The following IFT80 variants were observed in gnomAD, a reference collection of about 807,000 sequenced individuals.
IFT80 encodes intraflagellar transport 80.
In IFT80, 79 loss-of-function variants were observed where a neutral mutation model predicts 107.9. The ratio of observed to expected loss-of-function variants is 0.73; its 90% CI spans 0.61 to 0.88. The LOEUF is 0.88. Among genes scored for constraint, IFT80 ranks in the 40% least tolerant of loss-of-function variants. The pLI, the probability that IFT80 is intolerant of heterozygous loss-of-function variation, is 0.00. For synonymous variants in IFT80, 299 were observed against 300.9 expected, an observed-to-expected ratio of 0.99 and a Z score of 0.07; for missense variants, 797 against 914.2, an observed-to-expected ratio of 0.87 and a Z score of 1.65.
intron 1 of IFT80, among the ~76,000 whole-genome samples, chr3:160,390,420 AAAAAAAAAAAG>A (rs1713289984): frequency 1.3e-5 from 2 of 151,562 alleles, no homozygotes; most frequent in African/African-American, 4.8e-5. Context: ...TCCGTCTCAA[AAAAAAAAAAAG>A]AAAAAGAAAA....
intron 1 of IFT80, among the ~76,000 whole-genome samples, chr3:160,385,097 T>A (rs936871689): frequency 6.6e-6 from 1 of 152,178 alleles, no homozygotes; most frequent in Non-Finnish European, 1.5e-5. Flanking sequence ...CAATCTGGGG[T>A]TGACATTCTG....
chr3:160,301,020 C>A lies in IFT80; in HGVS notation c.1178G>T (p.Ser393Ile). Residue 393 changes from serine (S) to isoleucine (I), a missense_variant, in exon 12 of 20, where the codon AGT becomes ATT. Coordinates refer to ENST00000326448, the MANE Select transcript of IFT80 (RefSeq NM_020800.3). ...CCCTTCATATGAATATAAATAGATA[C>A]TACTACCATCTACAAGAAGAAAATG... ...ERHFLLVDGS[S>I]IYLYSYEGRF... is the part of the protein sequence containing the mutation. The A allele has an allele frequency of 6.3e-7, 1 of 1,583,746 alleles. No individual in the cohort carries two copies. Among genetic ancestry groups the A allele is most frequent in the Non-Finnish European group, 8.6e-7 (1 of 1,158,162 alleles).
intron 8 of IFT80, chr3:160,343,828 C>A: frequency 6.6e-6 from 2 of 305,052 alleles, no homozygotes; most frequent in Non-Finnish European, 6.5e-6. Flanking sequence ...GTCAACAAAA[C>A]AGAATTTATT....
At chr3:160,280,323 C>T (rs545076516) in intron 15 of IFT80, among the ~76,000 whole-genome samples, 1 of 152,108 alleles carries the variant, frequency 6.6e-6, no homozygotes, top group Non-Finnish European at 1.5e-5. Context: ...TCTGTGACAG[C>T]GTTGGGTAGT....
chr3:160,311,954 T>C (rs955548109), intron 9 of IFT80, among the ~76,000 whole-genome samples: 2 of 152,274 alleles, frequency 1.3e-5, no homozygotes, highest in African/African-American at 4.8e-5. Context: ...CTAATTTTTT[T>C]GTATTTTTAG....
intron 5 of IFT80, among the ~76,000 whole-genome samples, chr3:160,372,928 C>T (rs1218188753): frequency 6.6e-6 from 1 of 152,228 alleles, no homozygotes; most frequent in East Asian, 1.9e-4. Context: ...TCACCATCCC[C>T]TCTCTAAAAT....
intron 4 of IFT80, 29 bp from the exon 5 acceptor site, chr3:160,375,909 A>T: frequency 7.4e-7 from 1 of 1,359,920 alleles, no homozygotes; most frequent in Non-Finnish European, 1.0e-6. Flanking sequence ...ATTAATCAGT[A>T]TTTTTACCTA....
intron 5 of IFT80, among the ~76,000 whole-genome samples, chr3:160,367,553 A>G (rs1027778016): frequency 4.6e-5 from 7 of 152,046 alleles, no homozygotes; most frequent in African/African-American, 1.7e-4. Context: ...GATTAGGGAA[A>G]ATTTTGTTAT....
chr3:160,379,912 T>C (rs1219805144), intron 3 of IFT80, among the ~76,000 whole-genome samples: 1 of 152,188 alleles, frequency 6.6e-6, no homozygotes, highest in Admixed American at 6.5e-5. Context: ...AATCTGATAC[T>C]ACTGTTTGTC....
intron 8 of IFT80, among the ~76,000 whole-genome samples, chr3:160,323,913 T>C (rs1718473892): frequency 6.6e-6 from 1 of 151,108 alleles, no homozygotes; most frequent in African/African-American, 2.4e-5. Flanking sequence ...GAGAGAAGAA[T>C]CAAATAGATA....
intron 1 of IFT80, among the ~76,000 whole-genome samples, chr3:160,386,031 C>T (rs1444471424): frequency 6.6e-6 from 1 of 152,086 alleles, no homozygotes; most frequent in Non-Finnish European, 1.5e-5. Context: ...CCTCAAACTG[C>T]CAAAATCCAT....
chr3:160,326,164 T>C (rs2108309338), intron 8 of IFT80, among the ~76,000 whole-genome samples: 1 of 152,082 alleles, frequency 6.6e-6, no homozygotes, highest in South Asian at 2.1e-4. Flanking sequence ...AGAAATAAAT[T>C]AAAATTATTT....
In IFT80 at chr3:160,381,516, G is replaced by A; in HGVS notation, c.246C>T (p.Leu82=). ...KKQTQAESFV[L]TSSDGKFHLI... Reference sequence around the variant, plus strand: ...TTTAAAACTTACCATCAGAACTTGTGAGGACAAAGCTTTCTGCCTGGGTTT... The same window carrying A: ...TTTAAAACTTACCATCAGAACTTGTAAGGACAAAGCTTTCTGCCTGGGTTT... The change falls in exon 3 of 20, where the codon CTC becomes CTT. Residue 82 remains leucine, a synonymous_variant. Coordinates refer to ENST00000326448, the MANE Select transcript of IFT80 (RefSeq NM_020800.3). The A allele has an allele frequency of 6.2e-7, 1 of 1,612,834 alleles. No individual in the cohort carries two copies. Among genetic ancestry groups the A allele is most frequent in the Non-Finnish European group, 8.5e-7 (1 of 1,179,024 alleles).
intron 7 of IFT80, 105 bp downstream of exon 7, chr3:160,357,384 G>A: frequency 1.5e-6 from 1 of 665,806 alleles, no homozygotes; most frequent in South Asian, 1.9e-5. Context: ...AATTACTGGA[G>A]TAAAAAGACA....
intron 1 of IFT80, among the ~76,000 whole-genome samples, chr3:160,391,290 G>A (rs1229937468): frequency 1.3e-5 from 2 of 152,134 alleles, no homozygotes; most frequent in East Asian, 3.9e-4. Flanking sequence ...CAGATATACT[G>A]CCCAACAGTA....
chr3:160,274,556 C>T (rs368609183), intron 18 of IFT80: 4 of 152,086 alleles, frequency 2.6e-5, no homozygotes, highest in East Asian at 1.9e-4. Context: ...GAAATGTTTC[C>T]GCTCTTCAGG....
intron 1 of IFT80, among the ~76,000 whole-genome samples, chr3:160,387,448 G>C (rs1315879891): frequency 6.6e-6 from 1 of 152,130 alleles, no homozygotes; most frequent in East Asian, 1.9e-4. Flanking sequence ...AGGTTGCAGT[G>C]AGCCGAGATC....
intron 8 of IFT80, among the ~76,000 whole-genome samples, chr3:160,348,306 A>G (rs1164897711): frequency 1.3e-5 from 2 of 152,204 alleles, no homozygotes; most frequent in Non-Finnish European, 2.9e-5. Context: ...GCAGTAGTTT[A>G]GCATAGCTCT....
intron 19 of IFT80, among the ~76,000 whole-genome samples, chr3:160,260,407 T>A (rs1027421306): frequency 6.6e-6 from 1 of 152,208 alleles, no homozygotes; most frequent in Non-Finnish European, 1.5e-5. Flanking sequence ...TTGGGTTTCT[T>A]CCAGCCTTAA....
Sources: allele counts gnomAD v4.1 joint callset (sites outside exome capture counted in the v4.1 genomes callset), GRCh38; gene constraint gnomAD v4.1.1; transcripts MANE v1.5; gene names NCBI Gene and HGNC (gene_info 2026-07-23, HGNC 2026-07-21).